The following TESMIN variants were observed in gnomAD, a reference collection of about 807,000 sequenced individuals.
TESMIN encodes testis expressed metallothionein like protein.
In TESMIN, 34 loss-of-function variants were observed where a neutral mutation model predicts 47.4. The ratio of observed to expected loss-of-function variants is 0.72; its 90% CI spans 0.55 to 0.96. The LOEUF is 0.96. Among genes scored for constraint, TESMIN ranks in the 40% least tolerant of loss-of-function variants. The pLI is 0.00. For missense variants in TESMIN, 610 were observed against 637.2 expected (o/e 0.96, Z 0.46); for synonymous variants, 278 against 258.9 (o/e 1.07, Z -0.71).
At chr11:68,725,644 G>A (rs937849683) in intron 6 of TESMIN, among the ~76,000 whole-genome samples, 2 of 151,874 alleles carry the variant, frequency 1.3e-5, no homozygotes, top group African/African-American at 4.8e-5. Context: ...GTTTTTTGTT[G>A]TTGTTGTTGT....
chr11:68,713,291 C>G lies in TESMIN; in HGVS notation c.1137G>C (p.Lys379Asn), dbSNP rs1258781036. 2 of 1,614,166 alleles carry G rather than the reference C, an allele frequency of 1.2e-6. No homozygotes were observed. The highest frequency in any genetic ancestry group is 2.2e-5 in the South Asian group (2 of 91,082). ...GCNCRRSGCL[K>N]NYCECYEAQI... ...TAACCTCATAGCACTCGCAGTAATT[C>G]TTCAGGCAGCCTGACCTCCTGCAGT... Residue 379 changes from lysine to asparagine, a missense_variant, in exon 8 of 10, where the codon AAG becomes AAC. By Grantham distance (94) the Lys-to-Asn change is moderately conservative. Coordinates refer to ENST00000255087, the MANE Select transcript of TESMIN (RefSeq NM_004923.3).
chr11:68,726,661 A>G (rs1361285413), intron 6 of TESMIN, among the ~76,000 whole-genome samples: 1 of 152,244 alleles, frequency 6.6e-6, no homozygotes, highest in African/African-American at 2.4e-5. Context: ...ACCAAAAAAA[A>G]TGACCATCCA....
chr11:68,730,358 T>A (rs1226265333), intron 6 of TESMIN, among the ~76,000 whole-genome samples: 1 of 152,268 alleles, frequency 6.6e-6, no homozygotes, highest in Non-Finnish European at 1.5e-5. Flanking sequence ...TAAACGTTTT[T>A]ATATTTTATA....
chr11:68,740,864 G>A lies in TESMIN; in HGVS notation c.828+1454C>T, dbSNP rs1454345672. ...TCTAAACTCCTACGCAACATCTTCT[G>A]AGGCATCCCAAATTTAATATATCCA... On this transcript the variant is annotated intron_variant, in intron 5 of 9. Coordinates refer to ENST00000255087, the MANE Select transcript of TESMIN (RefSeq NM_004923.3). Among the ~76,000 whole-genome samples, 3 of 152,006 alleles carry A rather than the reference G, an allele frequency of 2.0e-5. No individual in the cohort carries two copies. In the East Asian group the frequency reaches 5.8e-4, roughly 29 times the overall value.
downstream of TESMIN, among the ~76,000 whole-genome samples, chr11:68,705,732 T>C (rs1419109634): frequency 6.6e-6 from 1 of 152,086 alleles, no homozygotes; most frequent in African/African-American, 2.4e-5. Flanking sequence ...AGTAGAAAGA[T>C]ATGGTTAAGG....
intron 6 of TESMIN, among the ~76,000 whole-genome samples, chr11:68,731,030 C>G (rs1024663270): frequency 2.3e-4 from 35 of 152,158 alleles, no homozygotes; most frequent in Non-Finnish European, 1.2e-4. Flanking sequence ...AGGGTAGTTC[C>G]AGCTCTATGT....
chr11:68,749,824 T>C (rs934394656), intron 2 of TESMIN, among the ~76,000 whole-genome samples: 1 of 151,416 alleles, frequency 6.6e-6, no homozygotes, highest in African/African-American at 2.4e-5. Context: ...TCACAGACAA[T>C]AGTTACCAGC....
intron 7 of TESMIN, among the ~76,000 whole-genome samples, 200 bp downstream of exon 7, chr11:68,715,637 G>A (rs1946127567): frequency 6.6e-6 from 1 of 152,104 alleles, no homozygotes; most frequent in Non-Finnish European, 1.5e-5. Flanking sequence ...AAGGGAAAAG[G>A]CCTTTCTCTG....
chr11:68,722,293 T>C (rs960409604), intron 6 of TESMIN, among the ~76,000 whole-genome samples: 9 of 152,230 alleles, frequency 5.9e-5, no homozygotes, highest in African/African-American at 9.6e-5. Context: ...TTGATGGGTA[T>C]AGAATTTCTG....
chr11:68,707,855 C>A lies in TESMIN; in HGVS notation c.*453G>T, dbSNP rs1311248650. On this transcript the variant is annotated 3_prime_UTR_variant, in exon 10 of 10. Transcript: ENST00000255087. ...AACAGCCCATCCGGAGAACTTATTT[C>A]TAAATAATTTGAAAAACAAACAAGA... The A allele has an allele frequency of 2.2e-6, 1 of 456,660 alleles. No homozygotes were observed. The allele number at this position is 456,660 out of a possible 1,614,324, so 28.3% of individuals were successfully genotyped here.
intron 9 of TESMIN, among the ~76,000 whole-genome samples, chr11:68,708,972 C>T (rs1022098830): frequency 1.3e-5 from 2 of 151,522 alleles, no homozygotes; most frequent in African/African-American, 2.4e-5. Flanking sequence ...AGGATGGTCT[C>T]GATCTCCTGA....
intron 6 of TESMIN, among the ~76,000 whole-genome samples, chr11:68,728,939 C>G (rs1302536488): frequency 6.6e-6 from 1 of 152,122 alleles, no homozygotes; most frequent in Non-Finnish European, 1.5e-5. Flanking sequence ...AGGTACCTGG[C>G]CCCCCAAGAG....
intron 9 of TESMIN, among the ~76,000 whole-genome samples, chr11:68,709,750 G>A (rs1470307528): frequency 1.3e-5 from 2 of 152,080 alleles, no homozygotes; most frequent in East Asian, 1.9e-4. Flanking sequence ...ACTGCAAGAC[G>A]AGGCTCCAAT....
chr11:68,713,274 T>TA lies in TESMIN; in HGVS notation c.1153dup (p.Tyr385LeufsTer2), dbSNP rs1455508077. 6.2e-7 allele frequency: 1 copy of TA among 1,614,002 alleles called. No homozygotes were observed. The highest frequency in any genetic ancestry group is 8.5e-7 in the Non-Finnish European group (1 of 1,179,986). On this transcript the variant is annotated frameshift_variant, in exon 8 of 10. Transcript: ENST00000255087. LOFTEE classifies it high-confidence loss of function. ...GTTAGGGAGCTGGGCACTAACCTCA[T>TA]AGCACTCGCAGTAATTCTTCAGGCA...
At chr11:68,719,488 C>T (rs2153991067) in intron 6 of TESMIN, among the ~76,000 whole-genome samples, 1 of 152,252 alleles carries the variant, frequency 6.6e-6, no homozygotes, top group South Asian at 2.1e-4. Flanking sequence ...GCTAAATCCA[C>T]ATTTCCCACA....
intron 3 of TESMIN, among the ~76,000 whole-genome samples, chr11:68,745,368 A>G (rs1457490889): frequency 6.6e-6 from 1 of 152,026 alleles, no homozygotes; most frequent in African/African-American, 2.4e-5. Context: ...TGTGAACAGA[A>G]AAAAGTTCCT....
At chr11:68,709,063 TAA>T (rs34606064) in intron 9 of TESMIN, among the ~76,000 whole-genome samples, 34 of 120,472 alleles carry the variant, frequency 2.8e-4, no homozygotes, top group Admixed American at 2.7e-4. Context: ...GACCCTGTCT[TAA>T]AAAAAAAAAA....
At chr11:68,745,181 C>CT in intron 3 of TESMIN, 70 bp from the exon 4 acceptor site, 11 of 1,414,312 alleles carry the variant, frequency 7.8e-6, no homozygotes, top group Middle Eastern at 4.1e-4. Context: ...CCTAAATAAA[C>CT]TTAAATCTGA....
intron 6 of TESMIN, among the ~76,000 whole-genome samples, chr11:68,723,756 A>C (rs1946229659): frequency 1.3e-5 from 2 of 152,152 alleles, no homozygotes; most frequent in South Asian, 4.1e-4. Context: ...ATACGAATAT[A>C]TGAATAAATT....
Sources: allele counts gnomAD v4.1 joint callset (sites outside exome capture counted in the v4.1 genomes callset), GRCh38; gene constraint gnomAD v4.1.1; transcripts MANE v1.5; gene names NCBI Gene and HGNC (gene_info 2026-07-23, HGNC 2026-07-21).